The following GLP1R variants were observed in gnomAD, a reference collection of about 807,000 sequenced individuals.
The protein encoded by GLP1R is glucagon like peptide 1 receptor, also known as glucagon-like peptide 1 receptor.
A neutral mutation model predicts 68.4 loss-of-function variants in GLP1R; 32 were observed. That is an observed-to-expected ratio of 0.47 (90% CI 0.35 to 0.63). The LOEUF is 0.63. Among genes scored for constraint, GLP1R ranks in the 20% least tolerant of loss-of-function variants. The probability of loss-of-function intolerance (pLI) is 0.00; values close to 1 mark genes in which losing one functional copy is unlikely to be tolerated. For missense variants in GLP1R, 502 were observed against 594.9 expected, an observed-to-expected ratio of 0.84 and a Z score of 1.62; for synonymous variants, 263 against 244.4, an observed-to-expected ratio of 1.08 and a Z score of -0.71.
At chr6:39,054,698 G>A (rs1466437557) in intron 1 of GLP1R, among the ~76,000 whole-genome samples, 1 of 152,194 alleles carries the variant, frequency 6.6e-6, no homozygotes, top group East Asian at 1.9e-4. Context: ...GTTCCCAGCA[G>A]TGACCTTGTG....
At chr6:39,080,669 C>T in intron 11 of GLP1R, 29 bp from the exon 12 acceptor site, 1 of 1,556,904 alleles carries the variant, frequency 6.4e-7, no homozygotes, top group Non-Finnish European at 8.8e-7. Flanking sequence ...CTCCTGCTTC[C>T]TCCCTCTTGA....
At chr6:39,052,174 CAT>C (rs1481836772) in intron 1 of GLP1R, among the ~76,000 whole-genome samples, 6 of 151,662 alleles carry the variant, frequency 4.0e-5, no homozygotes, top group Non-Finnish European at 8.8e-5. Context: ...ACTGTAAGAA[CAT>C]GTGTGTAGTA....
rs202116539 is a variant in GLP1R at position 39,068,770 on chromosome 6, C to T, written c.509+2467C>T. Among the ~76,000 whole-genome samples the T allele has an allele frequency of 9.2e-5, 14 of 152,252 alleles. No homozygotes were observed. The East Asian group carries it at 2.5e-3, about 27-fold the overall frequency. ...GGAGGTGGCCCTGGGCAGTGACTTC[C>T]AATGCCTCACAGTGTCCTGGGCTCC... On this transcript the variant is annotated intron_variant, in intron 5 of 12. Transcript: ENST00000373256.
Position 39,088,182 on chromosome 6 carries a change from C to T in GLP1R, c.*2109C>T, listed in dbSNP as rs1326810813. Among the ~76,000 whole-genome samples the T allele has an allele frequency of 6.6e-6, 1 of 152,110 alleles. No homozygotes were observed. The highest frequency in any genetic ancestry group is 1.5e-5 in the Non-Finnish European group (1 of 68,022). Reference sequence around the variant, plus strand: ...ACTGGTGATTCCTGATTTCAGAAGGCTCATCAGACCCCTACACCCAAGTCT... The same window carrying T: ...ACTGGTGATTCCTGATTTCAGAAGGTTCATCAGACCCCTACACCCAAGTCT... On this transcript the variant is annotated 3_prime_UTR_variant, in exon 13 of 13. Transcript: ENST00000373256.
In GLP1R at chr6:39,089,228, A is replaced by G. The variant is rs1454921429; in HGVS notation, c.*3155A>G. ...TCAGGGCACACATATACATAGAAAC[A>G]GCACATAAGCCATTTTGGATGGCAA... On this transcript the variant is annotated 3_prime_UTR_variant, in exon 13 of 13. Coordinates refer to ENST00000373256, the MANE Select transcript of GLP1R (RefSeq NM_002062.5). The surrounding 1 kb of genome is among the most constrained non-coding windows in gnomAD (Gnocchi z 4.1). Among the ~76,000 whole-genome samples the G allele has an allele frequency of 6.6e-6, 1 of 152,262 alleles. No individual in the cohort carries two copies. Among genetic ancestry groups the G allele is most frequent in the Admixed American group, 6.5e-5 (1 of 15,288 alleles).
chr6:39,078,829 T>C (rs1583646731), intron 8 of GLP1R, 128 bp from the exon 9 acceptor site: 1 of 788,562 alleles, frequency 1.3e-6, no homozygotes, highest in South Asian at 1.6e-5. Flanking sequence ...GGTTTTTGGG[T>C]GGCTCCTGGG....
intron 12 of GLP1R, among the ~76,000 whole-genome samples, chr6:39,081,126 C>T (rs144964961): frequency 5.5e-4 from 79 of 143,156 alleles, no homozygotes; most frequent in African/African-American, 1.8e-3. Flanking sequence ...TTAATTATGA[C>T]CCCCACATCC....
rs567876037 is a variant in GLP1R at position 39,063,213 on chromosome 6, C to T, written c.284-2498C>T. 2.5e-4 allele frequency among the ~76,000 whole-genome samples: 38 copies of T among 152,328 alleles called. No homozygotes were observed. The South Asian group carries it at 7.7e-3, about 31-fold the overall frequency. On this transcript the variant is annotated intron_variant, in intron 3 of 12. Transcript: ENST00000373256. ...CAGGCTCTGACACCATCTCATTCCG[C>T]ATGGAGTCAGCTCAGGTCCCCATCA...
intron 1 of GLP1R, among the ~76,000 whole-genome samples, chr6:39,053,946 C>T (rs2268653): frequency 0.021 from 3,245 of 152,162 alleles, 139 homozygotes; most frequent in East Asian, 0.17. Flanking sequence ...CTCTGCTCTC[C>T]GGAGCACTGA....
intron 3 of GLP1R, among the ~76,000 whole-genome samples, chr6:39,063,979 C>T (rs1392821989): frequency 6.7e-6 from 1 of 148,554 alleles, no homozygotes; most frequent in African/African-American, 2.5e-5. Flanking sequence ...TTAATGAAGC[C>T]TCTTCTCAGG....
At position 39,080,691 on chromosome 6, in the gene GLP1R, T is replaced by C. The variant is rs1278102325; in HGVS notation, c.1183-7T>C. 1.3e-6 allele frequency: 2 copies of C among 1,592,802 alleles called. No individual in the cohort carries two copies. Among genetic ancestry groups the C allele is most frequent in the African/African-American group, 1.4e-5 (1 of 73,846 alleles). ...TTCCTCCCTCTTGATGTGACTCTTGTTTCCAGGGGCTGATGGTGGCCATAT... is the reference window on the plus strand; with the variant it reads ...TTCCTCCCTCTTGATGTGACTCTTGCTTCCAGGGGCTGATGGTGGCCATAT... On this transcript the variant is annotated splice_region_variant and splice_polypyrimidine_tract_variant and intron_variant, in intron 11 of 12. Transcript: ENST00000373256.
chr6:39,074,878 C>T (rs574189967), intron 7 of GLP1R, among the ~76,000 whole-genome samples: 17 of 152,322 alleles, frequency 1.1e-4, no homozygotes, highest in South Asian at 8.3e-4. Flanking sequence ...AGCTCTCCAT[C>T]CCCTGTCCTT....
intron 3 of GLP1R, among the ~76,000 whole-genome samples, chr6:39,061,801 T>C (rs1426950823): frequency 6.6e-6 from 1 of 152,226 alleles, no homozygotes; most frequent in Non-Finnish European, 1.5e-5. Flanking sequence ...ATCCCACAGC[T>C]GGTTGAAGGC....
Position 39,076,054 on chromosome 6 carries a change from G to T in GLP1R, c.824-2268G>T, listed in dbSNP as rs747074156. Among the ~76,000 whole-genome samples the T allele has an allele frequency of 2.0e-5, 3 of 152,340 alleles. No individual in the cohort carries two copies. In the South Asian group the frequency reaches 6.2e-4, roughly 32 times the overall value. Reference sequence around the variant, plus strand: ...TTTCGTGACTGTGTTTTTTGAAAAGGCCTTGTTAAGGAAATGCTGACGATG... The same window carrying T: ...TTTCGTGACTGTGTTTTTTGAAAAGTCCTTGTTAAGGAAATGCTGACGATG... On this transcript the variant is annotated intron_variant, in intron 7 of 12. Coordinates refer to ENST00000373256, the MANE Select transcript of GLP1R (RefSeq NM_002062.5).
chr6:39,080,938 CACAAGT>C (rs1768994147), intron 12 of GLP1R, among the ~76,000 whole-genome samples, 199 bp downstream of exon 12: 1 of 152,170 alleles, frequency 6.6e-6, no homozygotes, highest in South Asian at 2.1e-4. Context: ...AACACACACA[CACAAGT>C]ACATGTACAG....
At chr6:39,078,045 T>C (rs1768878934) in intron 7 of GLP1R, among the ~76,000 whole-genome samples, 1 of 152,070 alleles carries the variant, frequency 6.6e-6, no homozygotes, top group Admixed American at 6.5e-5. Flanking sequence ...GCCGGGACTC[T>C]GAGGGCAAGT....
intron 11 of GLP1R, among the ~76,000 whole-genome samples, chr6:39,080,144 A>G (rs1768957565): frequency 6.6e-6 from 1 of 151,282 alleles, no homozygotes; most frequent in Non-Finnish European, 1.5e-5. Context: ...CTAGCATTAG[A>G]TGATGCTAAG....
chr6:39,066,201 C>T lies in GLP1R; in HGVS notation c.407C>T (p.Ser136Phe). Reference sequence around the variant, plus strand: ...TATGTCCCCCGTGTGCCACAGAGCTCCCCGGAGGAGCAGCTCCTGTTCCTC... The same window carrying T: ...TATGTCCCCCGTGTGCCACAGAGCTTCCCGGAGGAGCAGCTCCTGTTCCTC... ...CEESKRGERSSPEEQLLFLYI... is the reference protein window; with the variant it reads ...CEESKRGERSFPEEQLLFLYI... Residue 136 changes from serine to phenylalanine, a missense_variant, in exon 5 of 13, where the codon TCC becomes TTC. Coordinates refer to ENST00000373256, the MANE Select transcript of GLP1R (RefSeq NM_002062.5). The T allele has an allele frequency of 6.3e-7, 1 of 1,583,082 alleles. No homozygotes were observed. The highest frequency in any genetic ancestry group is 8.7e-7 in the Non-Finnish European group (1 of 1,151,872).
At chr6:39,057,400 C>T in intron 2 of GLP1R, 72 bp from the exon 3 acceptor site, 1 of 966,704 alleles carries the variant, frequency 1.0e-6, no homozygotes, top group Non-Finnish European at 1.7e-6. Flanking sequence ...GGGGAGGGGT[C>T]TTGGGGAAGG....
Sources: allele counts gnomAD v4.1 joint callset (sites outside exome capture counted in the v4.1 genomes callset), GRCh38; gene constraint gnomAD v4.1.1; non-coding constraint Gnocchi (gnomAD v3.1); transcripts MANE v1.5; gene names NCBI Gene and HGNC (gene_info 2026-07-23, HGNC 2026-07-21).